PLAC1: variants seen among roughly 807,000 people sequenced by gnomAD.
The protein encoded by PLAC1 is placenta-specific protein 1.
For missense variants in PLAC1, 136 were observed against 163.2 expected, an observed-to-expected ratio of 0.83 and a Z score of 0.91; for synonymous variants, 68 against 62.1, an observed-to-expected ratio of 1.09 and a Z score of -0.44.
At chrX:134,572,800 C>T (rs926528451) in intron 2 of PLAC1, among the ~76,000 whole-genome samples, 1 of 109,894 alleles carries the variant, frequency 9.1e-6, no homozygotes, top group Non-Finnish European at 1.9e-5. Flanking sequence ...AAAATTATCT[C>T]GGGGGAAAAA....
chrX:134,746,604 G>C (rs1040082052), intron 1 of PLAC1, among the ~76,000 whole-genome samples: 5 of 111,647 alleles, frequency 4.5e-5, no homozygotes, highest in Non-Finnish European at 7.5e-5. Context: ...CCAATGACTT[G>C]TTTGGCTCCA....
chrX:134,627,148 A>G (rs931453745), intron 1 of PLAC1, among the ~76,000 whole-genome samples: 1 of 111,700 alleles, frequency 9.0e-6, no homozygotes, highest in East Asian at 2.8e-4. Context: ...CCAGTTCTCC[A>G]TTTGAAAATG....
Position 134,744,225 on chromosome X carries a change from T to A in PLAC1, n.90-10706A>T, listed in dbSNP as rs180788437. ...TGAACCAAGGGGGCAGAGGTTTCAG[T>A]GAACTGAGATCATGCCACTGCACTC... On this transcript the variant is annotated intron_variant and non_coding_transcript_variant, in intron 1 of 2. Transcript: ENST00000466797. 2.4e-3 allele frequency among the ~76,000 whole-genome samples: 251 copies of A among 105,613 alleles called. 1 individual carries two copies. Among genetic ancestry groups the A allele is most frequent in the African/African-American group, 8.5e-3 (237 of 28,013 alleles). The allele number at this position is 105,613 out of a possible 115,157, so 91.7% of individuals were successfully genotyped here. A position where few individuals can be genotyped will look rare whatever the true frequency, so the allele number is the denominator to read the frequency against.
intron 2 of PLAC1, among the ~76,000 whole-genome samples, chrX:134,698,308 C>T (rs1248517900): frequency 2.7e-5 from 3 of 110,436 alleles, no homozygotes; most frequent in Non-Finnish European, 5.7e-5. Flanking sequence ...CAAAAATTAG[C>T]CGGGTGTGGT....
chrX:134,740,719 T>A (rs185756944), intron 1 of PLAC1, among the ~76,000 whole-genome samples: 56 of 111,543 alleles, frequency 5.0e-4, no homozygotes, highest in African/African-American at 1.8e-3. Flanking sequence ...ATGACAAGTA[T>A]CATTATAAGA....
chrX:134,699,608 T>C (rs1449650002), intron 2 of PLAC1, among the ~76,000 whole-genome samples: 2 of 112,641 alleles, frequency 1.8e-5, no homozygotes, highest in Non-Finnish European at 3.8e-5. Context: ...AAAATTTATT[T>C]TTTAAAATTT....
chrX:134,621,461 A>T (rs901834173), intron 1 of PLAC1, among the ~76,000 whole-genome samples: 1 of 107,893 alleles, frequency 9.3e-6, no homozygotes, highest in Non-Finnish European at 1.9e-5. Flanking sequence ...AAAAAAAAAA[A>T]AAAAAAAAAA....
At chrX:134,690,897 G>A (rs1349713402) in intron 2 of PLAC1, among the ~76,000 whole-genome samples, 12 of 81,555 alleles carry the variant, frequency 1.5e-4, no homozygotes, top group African/African-American at 4.9e-5. Flanking sequence ...AGCCGAAATC[G>A]CGCCACTGCA....
At chrX:134,625,693 G>A (rs2078233671) in intron 1 of PLAC1, among the ~76,000 whole-genome samples, 1 of 111,438 alleles carries the variant, frequency 9.0e-6, no homozygotes, top group Admixed American at 9.5e-5. Flanking sequence ...TGCTTCCTTG[G>A]CTTCAGTTTT....
intron 2 of PLAC1, among the ~76,000 whole-genome samples, chrX:134,704,999 A>T (rs1212674656): frequency 2.3e-5 from 2 of 88,513 alleles, no homozygotes; most frequent in Admixed American, 2.5e-4. Context: ...ACTCAAAAAA[A>T]TTATATATAT....
intron 1 of PLAC1, among the ~76,000 whole-genome samples, chrX:134,627,027 G>A (rs1334551457): frequency 9.1e-6 from 1 of 109,885 alleles, no homozygotes; most frequent in African/African-American, 3.3e-5. Context: ...GGGTGACAGA[G>A]TGAGACCCTT....
At chrX:134,634,271 T>C (rs1283697002) in intron 1 of PLAC1, among the ~76,000 whole-genome samples, 1 of 112,268 alleles carries the variant, frequency 8.9e-6, no homozygotes. Context: ...AGAGTGCCCA[T>C]GTCCTTGCTA....
At chrX:134,652,671 G>C (rs1051423798) in intron 1 of PLAC1, among the ~76,000 whole-genome samples, 1 of 111,603 alleles carries the variant, frequency 9.0e-6, no homozygotes, top group African/African-American at 3.3e-5. Context: ...CTGTGCCTCA[G>C]TTTCCACATC....
chrX:134,612,008 T>C (rs5975466), intron 1 of PLAC1, among the ~76,000 whole-genome samples: 48,816 of 110,978 alleles, frequency 0.44, 8,318 homozygotes, highest in East Asian at 0.9. Flanking sequence ...ATTGCTCCAA[T>C]AGCAAACTAG....
chrX:134,697,745 G>A (rs907817697), intron 2 of PLAC1, among the ~76,000 whole-genome samples: 5 of 111,846 alleles, frequency 4.5e-5, no homozygotes, highest in Non-Finnish European at 3.8e-5. Context: ...GCGCGTGCCT[G>A]TAGTCCCAGT....
At chrX:134,696,894 G>T (rs1302993288) in intron 2 of PLAC1, among the ~76,000 whole-genome samples, 2 of 109,063 alleles carry the variant, frequency 1.8e-5, no homozygotes, top group Admixed American at 9.8e-5. Flanking sequence ...TAGCCGGGCG[G>T]GGTGGCGGGC....
intron 2 of PLAC1, among the ~76,000 whole-genome samples, chrX:134,702,398 T>C (rs1320440975): frequency 1.8e-5 from 2 of 112,220 alleles, no homozygotes; most frequent in Non-Finnish European, 3.8e-5. Flanking sequence ...ATATACACCA[T>C]GGAATACTAT....
intron 2 of PLAC1, among the ~76,000 whole-genome samples, chrX:134,699,037 A>C (rs923283226): frequency 9.0e-6 from 1 of 111,468 alleles, no homozygotes; most frequent in African/African-American, 3.3e-5. Context: ...AATATACTTC[A>C]AATCTCTACC....
intron 2 of PLAC1, among the ~76,000 whole-genome samples, chrX:134,686,611 G>C (rs894581535): frequency 2.7e-5 from 3 of 111,614 alleles, no homozygotes; most frequent in Non-Finnish European, 3.8e-5. Flanking sequence ...AGGCAGGACA[G>C]CACTTATGTT....
Sources: allele counts gnomAD v4.1 joint callset (sites outside exome capture counted in the v4.1 genomes callset), GRCh38; gene constraint gnomAD v4.1.1; transcripts MANE v1.5; gene names NCBI Gene and HGNC (gene_info 2026-07-23, HGNC 2026-07-21).